Variants in ADGB observed in about 807,000 individuals in gnomAD.
The protein encoded by ADGB is androglobin.
ADGB carries 172 observed loss-of-function variants against 210.5 expected under a neutral mutation model. That is an observed-to-expected ratio of 0.82 (90% CI 0.72 to 0.93). ADGB has a LOEUF of 0.93. Ranked by LOEUF, ADGB falls within the 40% of genes least tolerant of loss-of-function variation. ADGB has a pLI of 0.00. For missense variants in ADGB, 2,025 were observed against 1,964.8 expected (o/e 1.03, Z -0.58); for synonymous variants, 658 against 662.7 (o/e 0.99, Z 0.11).
At position 146,630,566 on chromosome 6, in the gene ADGB, C is replaced by A. The variant is rs560187632; in HGVS notation, c.75-4809C>A. Among the ~76,000 whole-genome samples, 115 of 151,716 alleles carry A rather than the reference C, an allele frequency of 7.6e-4. 2 individuals carry two copies. The highest frequency in any genetic ancestry group is 2.7e-4 in the Non-Finnish European group (18 of 67,880). On this transcript the variant is annotated intron_variant, in intron 1 of 35. Coordinates refer to ENST00000397944, the MANE Select transcript of ADGB (RefSeq NM_024694.4). ...CTTAAAAAACAAACAAACAAACAAA[C>A]AAAAAAAGAATAAGGATCTTCAGGA...
At chr6:146,619,546 G>C (rs1349734865) in intron 1 of ADGB, among the ~76,000 whole-genome samples, 1 of 151,790 alleles carries the variant, frequency 6.6e-6, no homozygotes, top group African/African-American at 2.4e-5. Flanking sequence ...TCTATTATAG[G>C]TTTTTGCTTT....
chr6:146,738,572 C>G (rs1434773490), intron 23 of ADGB, among the ~76,000 whole-genome samples: 2 of 151,026 alleles, frequency 1.3e-5, no homozygotes, highest in African/African-American at 4.9e-5. Flanking sequence ...GCCTCAGCCT[C>G]CCTAGTAGCT....
In ADGB at chr6:146,721,524, A is replaced by G. The variant is rs114672266; in HGVS notation, c.2095+19A>G. On this transcript the variant is annotated intron_variant, in intron 17 of 35. Coordinates refer to ENST00000397944, the MANE Select transcript of ADGB (RefSeq NM_024694.4). ...TATGGAGGTAAGAGGGCTCTGAGAA[A>G]ATGATAGCCTTAAAGCCTAGATCAT... 2.8e-5 allele frequency: 30 copies of G among 1,068,870 alleles called. No individual in the cohort carries two copies. In the African/African-American group the frequency reaches 8.2e-4, roughly 29 times the overall value. 66.2% of individuals were successfully genotyped at this position (1,068,870 alleles called of 1,614,324 possible). A position where few individuals can be genotyped will look rare whatever the true frequency, so the allele number is the denominator to read the frequency against.
chr6:146,634,867 A>T (rs964066825), intron 1 of ADGB, among the ~76,000 whole-genome samples: 1 of 152,094 alleles, frequency 6.6e-6, no homozygotes, highest in African/African-American at 2.4e-5. Flanking sequence ...AATAAGGTAT[A>T]TTTATACAAG....
chr6:146,621,808 G>A (rs949324783), intron 1 of ADGB, among the ~76,000 whole-genome samples: 4 of 151,862 alleles, frequency 2.6e-5, no homozygotes, highest in African/African-American at 4.8e-5. Flanking sequence ...TTTACCTACT[G>A]TTGTGCATTT....
rs1010234574 is a variant in ADGB, at chr6:146,733,165, A to G, written c.2566A>G (p.Thr856Ala). ...LWRLMKKVQI[T>A]KPPPNFKFAF... Reference sequence around the variant, plus strand: ...GCGTTTAATGAAAAAAGTTCAAATAACAAAACCTCCTCCAAACTTCAAATT... The same window carrying G: ...GCGTTTAATGAAAAAAGTTCAAATAGCAAAACCTCCTCCAAACTTCAAATT... Residue 856 changes from threonine (T) to alanine (A), a missense_variant, in exon 21 of 36, where the codon ACA (threonine) becomes GCA (alanine). Thr to Ala is a moderately conservative substitution (Grantham distance 58). Transcript: ENST00000397944. 17 of 1,539,244 alleles carry G rather than the reference A, an allele frequency of 1.1e-5. No individual in the cohort carries two copies. The African/African-American group carries it at 2.2e-4, about 20-fold the overall frequency.
chr6:146,621,728 A>G (rs979193894), intron 1 of ADGB, among the ~76,000 whole-genome samples: 21 of 152,072 alleles, frequency 1.4e-4, no homozygotes, highest in Admixed American at 1.4e-3. Context: ...CTATTCTGTC[A>G]TCTTGCTGTC....
At chr6:146,608,709 C>T (rs944224981) in intron 1 of ADGB, among the ~76,000 whole-genome samples, 2 of 151,946 alleles carry the variant, frequency 1.3e-5, no homozygotes, top group African/African-American at 4.8e-5. Flanking sequence ...TTTGAATACT[C>T]CTTATAACAC....
intron 1 of ADGB, among the ~76,000 whole-genome samples, chr6:146,614,213 CTT>C (rs1780755344): frequency 2.8e-5 from 1 of 35,766 alleles, no homozygotes; most frequent in Non-Finnish European, 7.5e-5. Context: ...TCCTCCCTTC[CTT>C]CCTCCCTTCC....
At chr6:146,800,248 G>A (rs1044144356) in intron 33 of ADGB, among the ~76,000 whole-genome samples, 2 of 152,010 alleles carry the variant, frequency 1.3e-5, no homozygotes, top group Non-Finnish European at 2.9e-5. Context: ...TTCTTTGAAA[G>A]TTGAAGAATT....
intron 28 of ADGB, among the ~76,000 whole-genome samples, chr6:146,766,600 A>C (rs1161229714): frequency 1.3e-5 from 2 of 152,020 alleles, no homozygotes; most frequent in Non-Finnish European, 2.9e-5. Flanking sequence ...AATAAAATTG[A>C]AACGATAATT....
At chr6:146,784,028 G>A (rs979263329) in intron 30 of ADGB, among the ~76,000 whole-genome samples, 1 of 152,100 alleles carries the variant, frequency 6.6e-6, no homozygotes, top group African/African-American at 2.4e-5. Flanking sequence ...AGTAAAATTT[G>A]CATACATGAA....
intron 15 of ADGB, 150 bp downstream of exon 15, chr6:146,717,219 C>A: frequency 3.2e-6 from 2 of 617,270 alleles, no homozygotes; most frequent in Non-Finnish European, 2.7e-6. Flanking sequence ...CAAAATAAGC[C>A]AATAACAGCC....
intron 16 of ADGB, among the ~76,000 whole-genome samples, chr6:146,720,511 C>G (rs979490518): frequency 1.3e-5 from 2 of 152,172 alleles, no homozygotes; most frequent in Non-Finnish European, 2.9e-5. Flanking sequence ...AACCCACAGC[C>G]TGCTGTATCA....
chr6:146,652,420 C>T (rs1331689793), intron 3 of ADGB, among the ~76,000 whole-genome samples: 1 of 152,044 alleles, frequency 6.6e-6, no homozygotes, highest in Non-Finnish European at 1.5e-5. Context: ...TTTTCTCTAA[C>T]TTTTTTTATT....
chr6:146,743,110 T>C (rs574457261), intron 25 of ADGB, among the ~76,000 whole-genome samples: 2 of 152,312 alleles, frequency 1.3e-5, no homozygotes, highest in South Asian at 4.1e-4. Context: ...TGTTTGTTTT[T>C]AAAGTTTGAG....
intron 5 of ADGB, among the ~76,000 whole-genome samples, chr6:146,658,379 T>C (rs942971733): frequency 2.6e-5 from 4 of 151,998 alleles, no homozygotes; most frequent in Non-Finnish European, 4.4e-5. Flanking sequence ...AAGGGTGATA[T>C]TAAAAAGGTG....
intron 1 of ADGB, among the ~76,000 whole-genome samples, chr6:146,605,722 G>T (rs1780621888): frequency 6.6e-6 from 1 of 152,160 alleles, no homozygotes; most frequent in Non-Finnish European, 1.5e-5. Context: ...ATGAATGTCA[G>T]TTGTATGTTT....
intron 10 of ADGB, among the ~76,000 whole-genome samples, chr6:146,688,554 C>T (rs73589840): frequency 0.031 from 4,681 of 152,078 alleles, 173 homozygotes; most frequent in African/African-American, 0.096. Context: ...TGCGTGAGAG[C>T]CAAGGCATAA....
Sources: allele counts gnomAD v4.1 joint callset (sites outside exome capture counted in the v4.1 genomes callset), GRCh38; gene constraint gnomAD v4.1.1; transcripts MANE v1.5; gene names NCBI Gene and HGNC (gene_info 2026-07-23, HGNC 2026-07-21).